The following ABCB8 variants were observed in gnomAD, a reference collection of about 807,000 sequenced individuals.
ABCB8 encodes the protein mitochondrial potassium channel ATP-binding subunit.
Under a neutral mutation model 73.0 loss-of-function variants are expected in ABCB8, and 52 were observed. That is an observed-to-expected ratio of 0.71 (90% CI 0.57 to 0.90). The LOEUF (loss-of-function observed/expected upper bound fraction) is 0.90. ABCB8 is among the 40% of genes least tolerant of loss of function. The probability of loss-of-function intolerance (pLI) is 0.00; values close to 1 mark genes in which losing one functional copy is unlikely to be tolerated. For synonymous variants in ABCB8, 428 were observed against 423.5 expected (o/e 1.01, Z -0.13); for missense variants, 909 against 974.6 (o/e 0.93, Z 0.90).
At chr7:151,041,376 C>T (rs1796461305) in intron 13 of ABCB8, 144 bp downstream of exon 13, 5 of 1,183,796 alleles carry the variant, frequency 4.2e-6, no homozygotes, top group Non-Finnish European at 5.7e-6. Flanking sequence ...CACATGTCCT[C>T]AGCTGTTGTC....
chr7:151,042,229 G>T, intron 14 of ABCB8, 121 bp downstream of exon 14: 1 of 1,446,672 alleles, frequency 6.9e-7, no homozygotes. Context: ...AAAGACAGTT[G>T]TGTCAGGGAA....
intron 13 of ABCB8, 146 bp downstream of exon 13, chr7:151,041,378 G>A (rs1200367476): frequency 5.1e-6 from 6 of 1,172,138 alleles, no homozygotes; most frequent in Non-Finnish European, 7.0e-6. Flanking sequence ...CATGTCCTCA[G>A]CTGTTGTCTG....
chr7:151,028,611 G>A lies in ABCB8; in HGVS notation c.95+1G>A. 1.2e-6 allele frequency: 2 copies of A among 1,613,234 alleles called. No homozygotes were observed. The highest frequency in any genetic ancestry group is 1.7e-6 in the Non-Finnish European group (2 of 1,179,966). On this transcript the variant is annotated splice_donor_variant, in intron 1 of 15. Transcript: ENST00000358849. LOFTEE classifies it high-confidence loss of function. ...GCTTCCAGACATTCTCAGCTGTCAG[G>A]TAAAAACGGAAAAACCTACTCAGAG...
In ABCB8 at chr7:151,035,734, C is replaced by G; in HGVS notation, c.919C>G (p.Gln307Glu). The change falls in exon 6 of 16, where the codon CAG becomes GAG. Residue 307 changes from glutamine (Q) to glutamate (E), a missense_variant. By Grantham distance (29) the Gln-to-Glu change is conservative. Coordinates refer to ENST00000358849, the MANE Select transcript of ABCB8 (RefSeq NM_007188.5). The stretch of plus-strand genomic sequence containing the variant: ...CCTCCGAAAATTGTCTCGCCAGTGT[C>G]AGGAGCAGGTACCGGCATTCCTGGC... ...SGLRKLSRQC[Q>E]EQIARAMGVA... 6.2e-7 allele frequency: 1 copy of G among 1,613,078 alleles called. No individual in the cohort carries two copies. Among genetic ancestry groups the G allele is most frequent in the Non-Finnish European group, 8.5e-7 (1 of 1,180,024 alleles).
chr7:151,037,132 C>T lies in ABCB8; in HGVS notation c.1217+483C>T, dbSNP rs1185708212. On this transcript the variant is annotated intron_variant, in intron 9 of 15. Transcript: ENST00000358849. ...CCCTCCCCCAGCCCCTGGCACCCAC[C>T]ATTCCACTTTCTGTCCTTATGATTT... 4 of 702,622 alleles carry T rather than the reference C, an allele frequency of 5.7e-6. No individual in the cohort carries two copies. In the Admixed American group the frequency reaches 6.0e-5, roughly 11 times the overall value. The allele number at this position is 702,622 out of a possible 1,614,324, so 43.5% of individuals were successfully genotyped here.
chr7:151,036,861 G>A (rs1796324582), intron 9 of ABCB8: 3 of 757,044 alleles, frequency 4.0e-6, no homozygotes, highest in Non-Finnish European at 7.2e-6. Flanking sequence ...GCTGCAGCAG[G>A]CAGGTGCTTG....
intron 1 of ABCB8, chr7:151,033,061 G>C (rs1796206749): frequency 2.2e-6 from 1 of 456,658 alleles, no homozygotes; most frequent in Admixed American, 2.3e-5. Context: ...TCATCTGTCA[G>C]GTGAGAATAA....
chr7:151,044,222 G>T lies in ABCB8; in HGVS notation c.2016+1G>T, dbSNP rs1302147028. The T allele has an allele frequency of 6.3e-7, 1 of 1,597,098 alleles. No individual in the cohort carries two copies. The highest frequency in any genetic ancestry group is 1.7e-5 in the Admixed American group (1 of 59,792). ...CATGGCCGATGGCCGTGTCTGGGAG[G>T]TTAGTTGTCCTGGGGGCGTGGATCA... On this transcript the variant is annotated splice_donor_variant, in intron 15 of 15. Transcript: ENST00000358849. LOFTEE classifies it high-confidence loss of function.
chr7:151,040,872 T>C lies in ABCB8; in HGVS notation c.1433T>C (p.Leu478Pro). Residue 478 changes from leucine (L) to proline (P), a missense_variant, in exon 12 of 16, where the codon CTG becomes CCG. Physicochemically the swap from Leu to Pro is moderately conservative, Grantham distance 98. Coordinates refer to ENST00000358849, the MANE Select transcript of ABCB8 (RefSeq NM_007188.5). ...TTCGAGGTGCTGAAAGACTTCACCCTGACGCTGCCCCCTGGCAAGATCGTG... is the reference window on the plus strand; with the variant it reads ...TTCGAGGTGCTGAAAGACTTCACCCCGACGCTGCCCCCTGGCAAGATCGTG... ...PGFEVLKDFT[L>P]TLPPGKIVAL... 1 of 1,605,458 alleles carries C rather than the reference T, an allele frequency of 6.2e-7. No homozygotes were observed. Among genetic ancestry groups the C allele is most frequent in the Non-Finnish European group, 8.5e-7 (1 of 1,176,370 alleles).
intron 13 of ABCB8, 55 bp downstream of exon 13, chr7:151,041,287 C>G (rs1353450488): frequency 6.5e-7 from 1 of 1,541,422 alleles, no homozygotes; most frequent in Non-Finnish European, 8.7e-7. Flanking sequence ...CCCCTGGGCC[C>G]TGCCCCCTTA....
At position 151,041,106 on chromosome 7, in the gene ABCB8, C is replaced by T; in HGVS notation, c.1491C>T (p.Thr497=). The T allele has an allele frequency of 6.2e-7, 1 of 1,613,672 alleles. No individual in the cohort carries two copies. Among genetic ancestry groups the T allele is most frequent in the Non-Finnish European group, 8.5e-7 (1 of 1,180,004 alleles). Residue 497 remains threonine (T), a synonymous_variant, in exon 13 of 16, where the codon ACC becomes ACT. Coordinates refer to ENST00000358849, the MANE Select transcript of ABCB8 (RefSeq NM_007188.5). The part of the protein sequence containing the change: ...ALVGQSGGGK[T]TVASLLERFY... ...CTCAACCCAATTCCCCAGGAAAGAC[C>T]ACCGTGGCTTCCCTGCTGGAGCGCT...
rs1379691537 is a variant in ABCB8 at position 151,042,039 on chromosome 7, A to G, written c.1696A>G (p.Thr566Ala). 1 of 1,613,162 alleles carries G rather than the reference A, an allele frequency of 6.2e-7. No individual in the cohort carries two copies. Among genetic ancestry groups the G allele is most frequent in the Non-Finnish European group, 8.5e-7 (1 of 1,180,000 alleles). Residue 566 changes from threonine (T) to alanine (A), a missense_variant, in exon 14 of 16, where the codon ACA becomes GCA. Physicochemically the swap from Thr to Ala is moderately conservative, Grantham distance 58. Transcript: ENST00000358849. ...GGAAGCTTCCGATGAAGAGGTGTAC[A>G]CAGCCGCCCGGGAAGCGAATGCTCA... ...KLEASDEEVY[T>A]AAREANAHEF...
chr7:151,041,270 C>T (rs1185224968), intron 13 of ABCB8, 38 bp downstream of exon 13: 2 of 1,572,740 alleles, frequency 1.3e-6, no homozygotes, highest in South Asian at 2.3e-5. Flanking sequence ...CTCCCACTGC[C>T]CGTCCTCCCC....
Position 151,034,261 on chromosome 7 carries a change from T to C in ABCB8, c.409-12T>C. 6.2e-7 allele frequency: 1 copy of C among 1,606,600 alleles called. No homozygotes were observed. Among genetic ancestry groups the C allele is most frequent in the Non-Finnish European group, 8.5e-7 (1 of 1,176,498 alleles). ...ACTTAAAACATTTGTGCCCTCTGTCTCCCCATTCCAGCTGGCCTTGGGTGC... is the reference window on the plus strand; with the variant it reads ...ACTTAAAACATTTGTGCCCTCTGTCCCCCCATTCCAGCTGGCCTTGGGTGC... On this transcript the variant is annotated splice_polypyrimidine_tract_variant and intron_variant, in intron 2 of 15. Transcript: ENST00000358849.
In ABCB8 at chr7:151,035,877, T is replaced by C. The variant is rs1158831273; in HGVS notation, c.928-5T>C. On this transcript the variant is annotated splice_region_variant and splice_polypyrimidine_tract_variant and intron_variant, in intron 6 of 15. Transcript: ENST00000358849. ...TCCTTGTCCTGTTTCCTGGACTCCTTGCAGATCGCCAGGGCAATGGGCGTA... is the reference window on the plus strand; with the variant it reads ...TCCTTGTCCTGTTTCCTGGACTCCTCGCAGATCGCCAGGGCAATGGGCGTA... 3.7e-6 allele frequency: 6 copies of C among 1,612,978 alleles called. No individual in the cohort carries two copies. Among genetic ancestry groups the C allele is most frequent in the Non-Finnish European group, 5.1e-6 (6 of 1,180,044 alleles).
intron 10 of ABCB8, 40 bp downstream of exon 10, chr7:151,040,341 T>C: frequency 6.2e-7 from 1 of 1,608,784 alleles, no homozygotes; most frequent in Non-Finnish European, 8.5e-7. Flanking sequence ...GGTGTGGAGT[T>C]TGTGCCGTGT....
intron 1 of ABCB8, chr7:151,029,094 G>A (rs897950972): frequency 1.5e-5 from 12 of 821,582 alleles, no homozygotes; most frequent in African/African-American, 1.8e-5. Context: ...AAGGCCAGGA[G>A]TTCGAGACCA....
rs1314124633 is a variant in ABCB8, at chr7:151,034,440, A to T, written c.564+12A>T. On this transcript the variant is annotated intron_variant, in intron 3 of 15. Transcript: ENST00000358849. ...TCTATGGTGTCCAGGTACAGCCGGG[A>T]GTGGGGCTGGGGACCGCCGAGGAGC... 6.2e-7 allele frequency: 1 copy of T among 1,613,694 alleles called. No individual in the cohort carries two copies. The highest frequency in any genetic ancestry group is 2.2e-5 in the East Asian group (1 of 44,874).
intron 1 of ABCB8, chr7:151,031,339 A>T: frequency 6.6e-7 from 1 of 1,522,934 alleles, no homozygotes; most frequent in Non-Finnish European, 8.8e-7. Flanking sequence ...AGTGGAAAAC[A>T]AGACATAAAA....
Sources: gnomAD v4.1 joint callset for allele counts on GRCh38, gnomAD v4.1.1 for gene constraint, MANE v1.5 for transcripts, NCBI Gene and HGNC (gene_info 2026-07-23, HGNC 2026-07-21) for gene names.